Variants in TTC9 observed in about 807,000 individuals in gnomAD.
TTC9 encodes tetratricopeptide repeat protein 9A.
Under a neutral mutation model 22.9 loss-of-function variants are expected in TTC9, and 13 were observed. The ratio of observed to expected loss-of-function variants is 0.57; its 90% confidence interval spans 0.37 to 0.90. The LOEUF (loss-of-function observed/expected upper bound fraction) is 0.90, where lower values mean the gene tolerates loss of function less well. Among genes scored for constraint, TTC9 ranks in the 40% least tolerant of loss-of-function variants. TTC9 has a pLI of 0.01. For synonymous variants in TTC9, 148 were observed against 133.2 expected (o/e 1.11, Z -0.77); for missense variants, 280 against 291.8 (o/e 0.96, Z 0.29).
At chr14:70,662,723 G>A (rs1231411648) in intron 1 of TTC9, among the ~76,000 whole-genome samples, 1 of 152,222 alleles carries the variant, frequency 6.6e-6, no homozygotes, top group Non-Finnish European at 1.5e-5. Context: ...GTTGGCTAGT[G>A]GCAAAGATGG....
rs1335254034 is a variant in TTC9 at position 70,672,888 on chromosome 14, G to A, written c.*1733G>A. 6.6e-6 allele frequency: 1 copy of A among 152,198 alleles called. No individual in the cohort carries two copies. Among genetic ancestry groups the A allele is most frequent in the Non-Finnish European group, 1.5e-5 (1 of 68,038 alleles). The allele number at this position is 152,198 out of a possible 1,614,324, so 9.4% of individuals were successfully genotyped here. A position where few individuals can be genotyped will look rare whatever the true frequency, so the allele number is the denominator to read the frequency against. On this transcript the variant is annotated 3_prime_UTR_variant, in exon 3 of 3. Transcript: ENST00000256367. ...CTCCAGAGCTCTGGCTAGTATCTAT[G>A]CTATACTTAGTTGCCTCTCTGTAAG...
Position 70,672,331 on chromosome 14 carries a change from A to G in TTC9, c.*1176A>G, listed in dbSNP as rs1886308944. 2 of 152,252 alleles carry G rather than the reference A, an allele frequency of 1.3e-5. No homozygotes were observed. Among genetic ancestry groups the G allele is most frequent in the South Asian group, 2.1e-4 (1 of 4,830 alleles). 9.4% of individuals were successfully genotyped at this position (152,252 alleles called of 1,614,324 possible). On this transcript the variant is annotated 3_prime_UTR_variant, in exon 3 of 3. Coordinates refer to ENST00000256367, the MANE Select transcript of TTC9 (RefSeq NM_015351.2). ...CAAATGCTTGTTGAATGAATAAATT[A>G]TGACTGCAGACTGGCTCTCCTGCCT...
chr14:70,669,014 G>T (rs1344798976), intron 2 of TTC9, among the ~76,000 whole-genome samples: 4 of 151,580 alleles, frequency 2.6e-5, no homozygotes, highest in African/African-American at 9.7e-5. Flanking sequence ...AAATTATCTG[G>T]GCATGGTGGC....
intron 1 of TTC9, among the ~76,000 whole-genome samples, chr14:70,650,291 C>T (rs796528271): frequency 1.8e-4 from 27 of 152,200 alleles, no homozygotes; most frequent in African/African-American, 3.9e-4. Context: ...GGCATGGTGG[C>T]GCGTGCCTAT....
chr14:70,644,928 C>T (rs1223242666), intron 1 of TTC9, among the ~76,000 whole-genome samples: 10 of 142,368 alleles, frequency 7.0e-5, no homozygotes, highest in East Asian at 5.8e-4. Flanking sequence ...CTGGCTAACA[C>T]GGTGAAACCC....
chr14:70,660,283 G>A lies in TTC9; in HGVS notation c.407-7281G>A, dbSNP rs141666462. Among the ~76,000 whole-genome samples, 12 of 152,338 alleles carry A rather than the reference G, an allele frequency of 7.9e-5. No homozygotes were observed. In the East Asian group the frequency reaches 2.1e-3, roughly 27 times the overall value. ...CACATGTGCAGATTTCCAGCTCTAG[G>A]ACTTGGCCATCTGATACCTGTCTGC... On this transcript the variant is annotated intron_variant, in intron 1 of 2. Transcript: ENST00000256367.
intron 1 of TTC9, among the ~76,000 whole-genome samples, chr14:70,667,345 A>G (rs1376779114): frequency 1.3e-5 from 2 of 152,334 alleles, no homozygotes; most frequent in African/African-American, 2.4e-5. Context: ...AATTCAACCC[A>G]TAATACAAGG....
intron 1 of TTC9, among the ~76,000 whole-genome samples, chr14:70,642,923 C>T (rs1466567637): frequency 6.6e-6 from 1 of 152,212 alleles, no homozygotes; most frequent in African/African-American, 2.4e-5. Context: ...AGGGAGGCCA[C>T]GCACCTGTCT....
Position 70,642,165 on chromosome 14 carries a change from G to A in TTC9, c.36G>A (p.Gly12=), listed in dbSNP as rs926950176. Residue 12 remains glycine, a synonymous_variant, in exon 1 of 3, where the codon GGG becomes GGA. Coordinates refer to ENST00000256367, the MANE Select transcript of TTC9 (RefSeq NM_015351.2). ...ERKGSAAGAK[G]NPSPPAAGEG... is the part of the protein sequence containing the mutation. ...AGGGCTCGGCGGCCGGGGCCAAGGG[G>A]AACCCGAGCCCGCCCGCGGCCGGAG... 2.2e-5 allele frequency: 26 copies of A among 1,193,792 alleles called. No individual in the cohort carries two copies. The African/African-American group carries it at 3.1e-4, about 14-fold the overall frequency. 73.9% of individuals were successfully genotyped at this position (1,193,792 alleles called of 1,614,324 possible). A position where few individuals can be genotyped will look rare whatever the true frequency, so the allele number is the denominator to read the frequency against.
intron 1 of TTC9, among the ~76,000 whole-genome samples, chr14:70,662,817 G>A (rs535319344): frequency 6.6e-6 from 1 of 152,376 alleles, no homozygotes; most frequent in South Asian, 2.1e-4. Context: ...TAGAGACTGT[G>A]ACATGATAAT....
At chr14:70,661,185 T>C (rs1332509780) in intron 1 of TTC9, among the ~76,000 whole-genome samples, 2 of 152,204 alleles carry the variant, frequency 1.3e-5, no homozygotes, top group African/African-American at 4.8e-5. Flanking sequence ...TCTTATTGCA[T>C]CATCTTTCCA....
chr14:70,656,770 T>C (rs1299176494), intron 1 of TTC9, among the ~76,000 whole-genome samples: 1 of 152,202 alleles, frequency 6.6e-6, no homozygotes, highest in East Asian at 1.9e-4. Context: ...TGAATATTTC[T>C]GGGAATACAC....
At position 70,674,719 on chromosome 14, in the gene TTC9, CCTT is replaced by C. The variant is rs1265736136; in HGVS notation, c.*3567_*3569del. 8 of 152,132 alleles carry C rather than the reference CCTT, an allele frequency of 5.3e-5. No homozygotes were observed. The highest frequency in any genetic ancestry group is 1.9e-4 in the African/African-American group (8 of 41,434). The allele number at this position is 152,132 out of a possible 1,614,324, so 9.4% of individuals were successfully genotyped here. On this transcript the variant is annotated 3_prime_UTR_variant, in exon 3 of 3. Transcript: ENST00000256367. ...TATTGGACACTTTTTGTTTTTTGCT[CCTT>C]CTGTTCCTTCACTTAATAATATCAC...
At position 70,664,668 on chromosome 14, in the gene TTC9, G is replaced by T. The variant is rs372526957; in HGVS notation, c.407-2896G>T. 1.5e-4 allele frequency among the ~76,000 whole-genome samples: 23 copies of T among 151,308 alleles called. No homozygotes were observed. The East Asian group carries it at 1.9e-3, about 13-fold the overall frequency. On this transcript the variant is annotated intron_variant, in intron 1 of 2. Transcript: ENST00000256367. ...TGCTTGAACCCAGGAGGCAGAGGTTGCAGTGAGCCGAGATCGCACCACTGC... is the reference window on the plus strand; with the variant it reads ...TGCTTGAACCCAGGAGGCAGAGGTTTCAGTGAGCCGAGATCGCACCACTGC...
chr14:70,660,488 A>T (rs34216013), intron 1 of TTC9, among the ~76,000 whole-genome samples: 24,667 of 152,268 alleles, frequency 0.16, 2,079 homozygotes, highest in Non-Finnish European at 0.19. Flanking sequence ...ACTAGTATTT[A>T]TGAGAATCCA....
At chr14:70,645,188 T>C (rs1188532449) in intron 1 of TTC9, among the ~76,000 whole-genome samples, 1 of 152,244 alleles carries the variant, frequency 6.6e-6, no homozygotes, top group African/African-American at 2.4e-5. Context: ...TTCAGGGCTA[T>C]GTATAAAATC....
intron 2 of TTC9, among the ~76,000 whole-genome samples, chr14:70,668,755 G>A (rs1171185426): frequency 6.6e-6 from 1 of 151,630 alleles, no homozygotes; most frequent in Non-Finnish European, 1.5e-5. Context: ...GGAGGCTGAG[G>A]CAGAAGGATC....
intron 1 of TTC9, among the ~76,000 whole-genome samples, chr14:70,656,844 G>T (rs911209330): frequency 1.3e-4 from 20 of 152,208 alleles, no homozygotes; most frequent in South Asian, 2.1e-4. Flanking sequence ...ACTGAGGAAG[G>T]GGTGTTAATG....
At position 70,671,221 on chromosome 14, in the gene TTC9, A is replaced by G; in HGVS notation, c.*66A>G. 1 of 1,393,348 alleles carries G rather than the reference A, an allele frequency of 7.2e-7. No individual in the cohort carries two copies. Among genetic ancestry groups the G allele is most frequent in the Non-Finnish European group, 1.0e-6 (1 of 989,490 alleles). 86.3% of individuals were successfully genotyped at this position (1,393,348 alleles called of 1,614,324 possible). The stretch of plus-strand genomic sequence containing the variant: ...GACTTCCAGGCATCCCCTGGCAGAG[A>G]GCCCCGTCCTGGATTCTGTCCCTTT... On this transcript the variant is annotated 3_prime_UTR_variant, in exon 3 of 3. Transcript: ENST00000256367.
Sources: gnomAD v4.1 joint callset for allele counts (sites outside exome capture counted in the v4.1 genomes callset) on GRCh38, gnomAD v4.1.1 for gene constraint, MANE v1.5 for transcripts, NCBI Gene and HGNC (gene_info 2026-07-23, HGNC 2026-07-21) for gene names.